The following DMC1 variants were observed in gnomAD, a reference collection of about 807,000 sequenced individuals.
The protein encoded by DMC1 is DNA meiotic recombinase 1, also known as meiotic recombination protein DMC1 homolog.
DMC1 carries 27 observed loss-of-function variants against 50.1 expected under a neutral mutation model. The observed-to-expected ratio is 0.54, with a 90% CI of 0.40 to 0.74. The LOEUF is 0.74. Ranked by LOEUF, DMC1 falls within the 30% of genes least tolerant of loss-of-function variation. The probability of loss-of-function intolerance (pLI) is 0.00; values close to 1 mark genes in which losing one functional copy is unlikely to be tolerated. For missense variants in DMC1, 295 were observed against 420.2 expected (o/e 0.70, Z 2.60); for synonymous variants, 148 against 136.1 (o/e 1.09, Z -0.61).
chr22:38,520,869 GTTTT>G (rs1163832862), intron 13 of DMC1, among the ~76,000 whole-genome samples: 1 of 145,614 alleles, frequency 6.9e-6, no homozygotes, highest in East Asian at 1.9e-4. Flanking sequence ...ATTCTTTTTT[GTTTT>G]TTGTTTTTGT....
chr22:38,539,195 C>T lies in DMC1; in HGVS notation c.586+126G>A, dbSNP rs563280964. On this transcript the variant is annotated intron_variant, in intron 9 of 13. Transcript: ENST00000216024. Reference sequence around the variant, plus strand: ...CTTACCAGATGATAAAATTTATAGACTGAGTAAATTAATTTAGAGAAAAAT... The same window carrying T: ...CTTACCAGATGATAAAATTTATAGATTGAGTAAATTAATTTAGAGAAAAAT... The T allele has an allele frequency of 5.7e-6, 4 of 701,410 alleles. No individual in the cohort carries two copies. The Admixed American group carries it at 6.8e-5, about 12-fold the overall frequency. The allele number at this position is 701,410 out of a possible 1,614,324, so 43.4% of individuals were successfully genotyped here.
chr22:38,549,044 C>T (rs1176822164), intron 8 of DMC1, among the ~76,000 whole-genome samples: 1 of 152,088 alleles, frequency 6.6e-6, no homozygotes, highest in Non-Finnish European at 1.5e-5. Context: ...TTTCCTAATA[C>T]TTCTTTTCCT....
Position 38,565,071 on chromosome 22 carries a change from A to G in DMC1, c.243+1519T>C, listed in dbSNP as rs575869697. 8.5e-5 allele frequency among the ~76,000 whole-genome samples: 13 copies of G among 152,384 alleles called. No homozygotes were observed. In the East Asian group the frequency reaches 2.5e-3, roughly 29 times the overall value. ...CAATAGAGAAATGGAGAGGCCTGCT[A>G]TTAAATGAAGAGGAAGACTTAGTGA... On this transcript the variant is annotated intron_variant, in intron 4 of 13. Coordinates refer to ENST00000216024, the MANE Select transcript of DMC1 (RefSeq NM_007068.4).
At position 38,555,707 on chromosome 22, in the gene DMC1, A is replaced by G. The variant is rs575982935; in HGVS notation, c.327-298T>C. ...GGAATACTGCATGCTGTAGGCTTAA[A>G]AAATAATAATAATAAATTATTTTAA... is the stretch of plus-strand genomic sequence containing the variant. On this transcript the variant is annotated intron_variant, in intron 5 of 13. Transcript: ENST00000216024. Among the ~76,000 whole-genome samples the G allele has an allele frequency of 5.3e-5, 8 of 152,246 alleles. No individual in the cohort carries two copies. The South Asian group carries it at 1.7e-3, about 32-fold the overall frequency.
At chr22:38,556,984 A>T (rs1455781625) in intron 5 of DMC1, among the ~76,000 whole-genome samples, 2 of 152,190 alleles carry the variant, frequency 1.3e-5, no homozygotes, top group Non-Finnish European at 2.9e-5. Context: ...ACCCATTTGG[A>T]GGGAATACAC....
intron 4 of DMC1, among the ~76,000 whole-genome samples, chr22:38,565,336 A>C (rs917659247): frequency 2.0e-5 from 3 of 152,182 alleles, no homozygotes; most frequent in Non-Finnish European, 4.4e-5. Flanking sequence ...GGTCCAGGGC[A>C]GAAGCAACTT....
Position 38,562,323 on chromosome 22 carries a change from A to G in DMC1, c.290T>C (p.Met97Thr). ...GCTCCCGGTGGTGATATGGAAAACC[A>G]TTTTCCTCTTTTCACTATACTCAAA... ...TAFEYSEKRK[M>T]VFHITTGSQE... The change falls in exon 5 of 14, where the codon ATG (methionine) becomes ACG (threonine). Residue 97 changes from methionine (M) to threonine (T), a missense_variant. By Grantham distance (81) the Met-to-Thr change is moderately conservative. Coordinates refer to ENST00000216024, the MANE Select transcript of DMC1 (RefSeq NM_007068.4). 1 of 1,613,014 alleles carries G rather than the reference A, an allele frequency of 6.2e-7. No homozygotes were observed. The highest frequency in any genetic ancestry group is 8.5e-7 in the Non-Finnish European group (1 of 1,179,184).
rs1282071888 is a variant in DMC1, at chr22:38,539,332, C to T, written c.575G>A (p.Arg192His). The T allele has an allele frequency of 3.1e-6, 5 of 1,613,336 alleles. No homozygotes were observed. The highest frequency in any genetic ancestry group is 1.7e-5 in the Admixed American group (1 of 59,982). ...DAVLDNVLYARAYTSEHQMEL... is the reference protein window; with the variant it reads ...DAVLDNVLYAHAYTSEHQMEL... ...CATGGGGCTCTTACTAGTATATGCA[C>T]GTGCATAAAGTACGTTGTCCAGTAC... Residue 192 changes from arginine (R) to histidine (H), a missense_variant, in exon 9 of 14, where the codon CGT becomes CAT. Coordinates refer to ENST00000216024, the MANE Select transcript of DMC1 (RefSeq NM_007068.4).
intron 9 of DMC1, 99 bp downstream of exon 9, chr22:38,539,220 TAA>T (rs2090252540): frequency 9.2e-6 from 8 of 866,554 alleles, no homozygotes; most frequent in African/African-American, 1.7e-5. Context: ...TAGAGAAAAA[TAA>T]AATAGAAAAA....
chr22:38,524,380 C>T (rs2090063859), intron 12 of DMC1, among the ~76,000 whole-genome samples: 2 of 151,962 alleles, frequency 1.3e-5, no homozygotes, highest in Non-Finnish European at 2.9e-5. Flanking sequence ...CCACCGGTGG[C>T]CCTCCAGCCC....
chr22:38,555,519 T>G, intron 5 of DMC1, 110 bp from the exon 6 acceptor site: 2 of 720,848 alleles, frequency 2.8e-6, no homozygotes, highest in Non-Finnish European at 2.5e-6. Flanking sequence ...TATCTATCTA[T>G]TCTATCATCT....
At chr22:38,544,701 C>T (rs1197545421) in intron 8 of DMC1, among the ~76,000 whole-genome samples, 3 of 151,754 alleles carry the variant, frequency 2.0e-5, no homozygotes, top group Non-Finnish European at 4.4e-5. Context: ...TCTCAGCTCA[C>T]TGCAACCTCC....
At chr22:38,524,124 A>G (rs2090060614) in intron 12 of DMC1, among the ~76,000 whole-genome samples, 1 of 152,072 alleles carries the variant, frequency 6.6e-6, no homozygotes, top group South Asian at 2.1e-4. Context: ...TATAAAGAAA[A>G]TAAGGGCTTG....
At chr22:38,512,229 C>A in the DMC1 span, among the ~76,000 whole-genome samples, 4 of 152,190 alleles carry the variant, frequency 2.6e-5, no homozygotes, top group Non-Finnish European at 5.9e-5. Context: ...CCTGCCTCAA[C>A]CTCCCTAAGT....
chr22:38,521,801 T>C lies in DMC1; in HGVS notation c.837-77A>G, dbSNP rs997128383. The C allele has an allele frequency of 1.5e-4, 148 of 996,586 alleles. No individual in the cohort carries two copies. In the African/African-American group the frequency reaches 2.1e-3, roughly 14 times the overall value. 61.7% of individuals were successfully genotyped at this position (996,586 alleles called of 1,614,324 possible). On this transcript the variant is annotated intron_variant, in intron 12 of 13. Transcript: ENST00000216024. ...AATATCTGCAATTACAAGGCAATCT[T>C]TCTGTGGTGGATGTCAGGAGTTGGA...
chr22:38,518,697 AT>A (rs1370392571), downstream of DMC1, among the ~76,000 whole-genome samples: 3 of 151,462 alleles, frequency 2.0e-5, no homozygotes, highest in Non-Finnish European at 4.4e-5. Context: ...CGCCTGGCTA[AT>A]TTTTTTGTAT....
At chr22:38,565,035 C>T (rs958431388) in intron 4 of DMC1, among the ~76,000 whole-genome samples, 1 of 152,176 alleles carries the variant, frequency 6.6e-6, no homozygotes, top group Non-Finnish European at 1.5e-5. Context: ...GGGAATGAGA[C>T]CCTCACATAC....
chr22:38,517,334 T>C (rs1311953281), downstream of DMC1, among the ~76,000 whole-genome samples: 3 of 152,120 alleles, frequency 2.0e-5, no homozygotes, highest in Non-Finnish European at 4.4e-5. Context: ...TTTGGGAGGC[T>C]GAGGCAGGTG....
chr22:38,524,976 G>A (rs1254012411), intron 12 of DMC1, among the ~76,000 whole-genome samples: 3 of 152,084 alleles, frequency 2.0e-5, no homozygotes, highest in Non-Finnish European at 2.9e-5. Flanking sequence ...CAGGAGAATC[G>A]CTTGAACCTG....
Sources: gnomAD v4.1 joint callset for allele counts (sites outside exome capture counted in the v4.1 genomes callset) on GRCh38, gnomAD v4.1.1 for gene constraint, MANE v1.5 for transcripts, NCBI Gene and HGNC (gene_info 2026-07-23, HGNC 2026-07-21) for gene names.